The following ABLIM1 variants were observed in gnomAD, a reference collection of about 807,000 sequenced individuals.
ABLIM1 encodes the protein actin binding LIM protein 1.
Under a neutral mutation model 107.0 loss-of-function variants are expected in ABLIM1, and 40 were observed. The observed-to-expected ratio is 0.37, with a 90% CI of 0.29 to 0.49. The LOEUF is 0.49. Ranked by LOEUF, ABLIM1 falls within the 20% of genes least tolerant of loss-of-function variation. The probability of loss-of-function intolerance (pLI) is 0.97; values close to 1 mark genes in which losing one functional copy is unlikely to be tolerated. For missense variants in ABLIM1, 857 were observed against 1,008.5 expected, an observed-to-expected ratio of 0.85 and a Z score of 2.04; for synonymous variants, 357 against 357.3, an observed-to-expected ratio of 1.00 and a Z score of 0.01.
rs1485598521 is a variant in ABLIM1 at position 114,696,567 on chromosome 10, G to C, written c.-213+71494C>G. Among the ~76,000 whole-genome samples the C allele has an allele frequency of 2.0e-5, 3 of 150,486 alleles. No homozygotes were observed. In the East Asian group the frequency reaches 5.9e-4, roughly 29 times the overall value. ...CACAGTGGGAAATAATTGAATCATG[G>C]GGCAGTTTCCCCCATACTGTTCTCA... On this transcript the variant is annotated intron_variant, in intron 1 of 15. Transcript: ENST00000651092.
At chr10:114,696,359 A>G (rs188230272) in intron 1 of ABLIM1, among the ~76,000 whole-genome samples, 2 of 152,324 alleles carry the variant, frequency 1.3e-5, no homozygotes, top group African/African-American at 4.8e-5. Flanking sequence ...CTTGCAGATG[A>G]CAGCCCTCTT....
chr10:114,462,298 T>C (rs748641998), intron 12 of ABLIM1, among the ~76,000 whole-genome samples: 1 of 152,198 alleles, frequency 6.6e-6, no homozygotes, highest in Non-Finnish European at 1.5e-5. Context: ...TCAAATCAAG[T>C]TCGCACCATT....
At chr10:114,717,978 G>GAA (rs2081715769) in intron 1 of ABLIM1, among the ~76,000 whole-genome samples, 1 of 102,588 alleles carries the variant, frequency 9.7e-6, no homozygotes, top group Non-Finnish European at 1.9e-5. Flanking sequence ...AAGGGAAAGA[G>GAA]AAAGAAAGAA....
At chr10:114,571,211 C>T in intron 4 of ABLIM1, 86 bp downstream of exon 4, 2 of 1,107,164 alleles carry the variant, frequency 1.8e-6, no homozygotes, top group Non-Finnish European at 2.7e-6. Flanking sequence ...TTCCAGCTAA[C>T]AGCGTTTCTC....
chr10:114,490,857 C>T (rs929321521), intron 7 of ABLIM1, among the ~76,000 whole-genome samples: 16 of 148,610 alleles, frequency 1.1e-4, no homozygotes, highest in African/African-American at 3.2e-4. Flanking sequence ...TTGTGGAGAA[C>T]GGGGTCTCGC....
intron 1 of ABLIM1, among the ~76,000 whole-genome samples, chr10:114,666,361 T>C (rs1321080389): frequency 6.6e-6 from 1 of 152,198 alleles, no homozygotes; most frequent in Non-Finnish European, 1.5e-5. Flanking sequence ...ATATTATGCA[T>C]TGTTTTTCTT....
intron 1 of ABLIM1, among the ~76,000 whole-genome samples, chr10:114,709,378 G>A (rs1280872505): frequency 2.0e-5 from 3 of 152,162 alleles, no homozygotes; most frequent in African/African-American, 7.2e-5. Flanking sequence ...GTAATATTAG[G>A]AGCAGAGAAT....
At chr10:114,767,266 T>A (rs775038391) in intron 1 of ABLIM1, among the ~76,000 whole-genome samples, 1 of 152,238 alleles carries the variant, frequency 6.6e-6, no homozygotes, top group African/African-American at 2.4e-5. Context: ...TGGCACTTAC[T>A]GCTTTGCAAA....
At chr10:114,661,108 A>T (rs1295270111), upstream of ABLIM1, among the ~76,000 whole-genome samples, 3 of 152,222 alleles carry the variant, frequency 2.0e-5, no homozygotes, top group Non-Finnish European at 2.9e-5. Flanking sequence ...GAGACTGCGA[A>T]AAGGAAAAGA....
intron 2 of ABLIM1, among the ~76,000 whole-genome samples, chr10:114,593,197 T>C (rs943555466): frequency 6.6e-6 from 1 of 152,226 alleles, no homozygotes; most frequent in Non-Finnish European, 1.5e-5. Flanking sequence ...CTTAGATAAT[T>C]TGTTCTTCCT....
At chr10:114,525,001 A>G (rs2064440482) in intron 6 of ABLIM1, among the ~76,000 whole-genome samples, 1 of 152,256 alleles carries the variant, frequency 6.6e-6, no homozygotes, top group South Asian at 2.1e-4. Context: ...TGGCAGCAGT[A>G]GGCCCCAAGA....
At chr10:114,726,675 G>A (rs1330850250) in intron 1 of ABLIM1, among the ~76,000 whole-genome samples, 5 of 152,100 alleles carry the variant, frequency 3.3e-5, no homozygotes, top group South Asian at 4.1e-4. Flanking sequence ...CCAGCTATTC[G>A]GGAGGCTGAG....
chr10:114,671,656 T>C (rs924570140), intron 1 of ABLIM1, among the ~76,000 whole-genome samples: 1 of 152,222 alleles, frequency 6.6e-6, no homozygotes, highest in Non-Finnish European at 1.5e-5. Context: ...ATTTTACCCA[T>C]GCTGATAGAC....
intron 12 of ABLIM1, among the ~76,000 whole-genome samples, chr10:114,460,016 C>T (rs899306319): frequency 2.0e-5 from 3 of 152,122 alleles, no homozygotes; most frequent in African/African-American, 7.2e-5. Flanking sequence ...ATCTAAATGA[C>T]TGAGGATCAT....
intron 1 of ABLIM1, among the ~76,000 whole-genome samples, chr10:114,646,367 A>T (rs1265748250): frequency 6.6e-6 from 1 of 152,208 alleles, no homozygotes; most frequent in Non-Finnish European, 1.5e-5. Flanking sequence ...AAATCAAAGG[A>T]AAAAATGAAG....
intron 8 of ABLIM1, among the ~76,000 whole-genome samples, chr10:114,475,945 A>G (rs138333782): frequency 1.8e-3 from 278 of 152,308 alleles, no homozygotes; most frequent in Middle Eastern, 3.4e-3. Context: ...AGTAGTTTCT[A>G]TTGGTGTTTA....
chr10:114,461,636 T>C (rs544159640), intron 12 of ABLIM1, among the ~76,000 whole-genome samples: 6 of 151,968 alleles, frequency 3.9e-5, no homozygotes, highest in East Asian at 3.9e-4. Flanking sequence ...CTGGCCAACA[T>C]AGTGAAACCC....
intron 12 of ABLIM1, among the ~76,000 whole-genome samples, chr10:114,457,226 C>T (rs1171006687): frequency 2.0e-5 from 3 of 151,828 alleles, no homozygotes. Context: ...CAGGAAGAGG[C>T]CTCTTTCCCT....
At chr10:114,626,175 T>C (rs2077780615) in intron 1 of ABLIM1, among the ~76,000 whole-genome samples, 1 of 151,802 alleles carries the variant, frequency 6.6e-6, no homozygotes, top group Non-Finnish European at 1.5e-5. Flanking sequence ...GTAGGTCACA[T>C]TTGAGACATA....
Sources: allele counts gnomAD v4.1 joint callset (sites outside exome capture counted in the v4.1 genomes callset), GRCh38; gene constraint gnomAD v4.1.1; transcripts MANE v1.5; gene names NCBI Gene and HGNC (gene_info 2026-07-23, HGNC 2026-07-21).